The following FAM83B variants were observed in gnomAD, a reference collection of about 807,000 sequenced individuals.
FAM83B encodes the protein protein FAM83B.
In FAM83B, 26 loss-of-function variants were observed where a neutral mutation model predicts 38.8. That is an observed-to-expected ratio of 0.67 (90% CI 0.49 to 0.93). FAM83B has a LOEUF of 0.93. Ranked by LOEUF, FAM83B falls within the 40% of genes least tolerant of loss-of-function variation. The pLI, the probability that FAM83B is intolerant of heterozygous loss-of-function variation, is 0.00. For synonymous variants in FAM83B, 419 were observed against 423.1 expected, an observed-to-expected ratio of 0.99 and a Z score of 0.12; for missense variants, 1,237 against 1,197.3, an observed-to-expected ratio of 1.03 and a Z score of -0.49.
intron 1 of FAM83B, among the ~76,000 whole-genome samples, chr6:54,857,271 A>G (rs1028968034): frequency 6.6e-6 from 1 of 152,220 alleles, no homozygotes; most frequent in African/African-American, 2.4e-5. Flanking sequence ...GCATGCACCA[A>G]GAGTGACTTT....
chr6:54,905,225 A>G (rs1772752296), intron 2 of FAM83B, among the ~76,000 whole-genome samples: 1 of 152,174 alleles, frequency 6.6e-6, no homozygotes, highest in Non-Finnish European at 1.5e-5. Context: ...TGTTCTGGGA[A>G]TAGCATAGCA....
At chr6:54,849,336 G>A (rs1012540898) in intron 1 of FAM83B, among the ~76,000 whole-genome samples, 1 of 152,138 alleles carries the variant, frequency 6.6e-6, no homozygotes, top group African/African-American at 2.4e-5. Context: ...GGTAGAGCAG[G>A]CTTCCCAAGG....
chr6:54,862,878 C>T (rs374565470), intron 1 of FAM83B, among the ~76,000 whole-genome samples: 1 of 150,078 alleles, frequency 6.7e-6, no homozygotes, highest in African/African-American at 2.4e-5. Flanking sequence ...AACCCCCCCC[C>T]AAAAAAACCA....
At chr6:54,849,437 G>A (rs951857823) in intron 1 of FAM83B, among the ~76,000 whole-genome samples, 21 of 151,866 alleles carry the variant, frequency 1.4e-4, no homozygotes, top group Non-Finnish European at 2.9e-4. Context: ...GAGGTGAGGT[G>A]GAGTGGGGGG....
chr6:54,877,469 A>G (rs1772026742), intron 2 of FAM83B, among the ~76,000 whole-genome samples: 1 of 152,216 alleles, frequency 6.6e-6, no homozygotes, highest in South Asian at 2.1e-4. Flanking sequence ...TAGTTGCTAC[A>G]GATCCATCAT....
chr6:54,854,241 T>G (rs1771385661), intron 1 of FAM83B, among the ~76,000 whole-genome samples: 1 of 152,174 alleles, frequency 6.6e-6, no homozygotes, highest in East Asian at 1.9e-4. Flanking sequence ...AACAAAGAAT[T>G]TAGAATATTA....
At chr6:54,858,889 C>A (rs765517460) in intron 1 of FAM83B, among the ~76,000 whole-genome samples, 20 of 152,150 alleles carry the variant, frequency 1.3e-4, no homozygotes, top group Non-Finnish European at 2.9e-4. Context: ...TTTACCTAAT[C>A]ACTTTTACAG....
In FAM83B at chr6:54,942,732, T is replaced by TTTTTTTTTTTTTTTTTTTTTGAGACGG. The variant is rs1561934815; in HGVS notation, c.*725_*726insTTTTTTTTTTTTTTTTTTTTGAGACGG. On this transcript the variant is annotated 3_prime_UTR_variant, in exon 5 of 5. Coordinates refer to ENST00000306858, the MANE Select transcript of FAM83B (RefSeq NM_001010872.3). ...TTACCCATAGGCTGCTGATTTTTTA[T>TTTTTTTTTTTTTTTTTTTTTGAGACGG]AGTCATTCCTTACTTCACATTTAGG... 6.6e-6 allele frequency among the ~76,000 whole-genome samples: 1 copy of TTTTTTTTTTTTTTTTTTTTTGAGACGG among 151,750 alleles called. No individual in the cohort carries two copies. Among genetic ancestry groups the TTTTTTTTTTTTTTTTTTTTTGAGACGG allele is most frequent in the African/African-American group, 2.4e-5 (1 of 41,106 alleles).
intron 2 of FAM83B, among the ~76,000 whole-genome samples, chr6:54,915,827 A>G (rs1170243569): frequency 2.0e-5 from 3 of 150,158 alleles, no homozygotes; most frequent in Non-Finnish European, 4.4e-5. Context: ...AAAAAAAAAA[A>G]AAAAAAAAAA....
At chr6:54,934,130 C>T (rs561853991) in intron 4 of FAM83B, among the ~76,000 whole-genome samples, 1 of 152,224 alleles carries the variant, frequency 6.6e-6, no homozygotes, top group East Asian at 1.9e-4. Flanking sequence ...GGGCTTGTAA[C>T]TTTCTAATCT....
chr6:54,849,253 C>T lies in FAM83B; in HGVS notation c.-61+2427C>T, dbSNP rs560271469. Among the ~76,000 whole-genome samples the T allele has an allele frequency of 5.3e-5, 8 of 152,312 alleles. No individual in the cohort carries two copies. In the East Asian group the frequency reaches 1.5e-3, roughly 29 times the overall value. The stretch of plus-strand genomic sequence containing the variant: ...CTCTGAGAAAATGTGTTAGAGCCTT[C>T]AGTGGGAGCTTCCTTCCCACTGAGG... On this transcript the variant is annotated intron_variant, in intron 1 of 4. Coordinates refer to ENST00000306858, the MANE Select transcript of FAM83B (RefSeq NM_001010872.3).
intron 1 of FAM83B, among the ~76,000 whole-genome samples, chr6:54,849,399 GT>G (rs1456207832): frequency 6.6e-6 from 1 of 151,914 alleles, no homozygotes; most frequent in Non-Finnish European, 1.5e-5. Flanking sequence ...GGGGGAAATG[GT>G]AGGCTCCAGT....
In FAM83B at chr6:54,941,496, T is replaced by A. The variant is rs149435201; in HGVS notation, c.2525T>A (p.Ile842Asn). ...TCCTCATCGAATTCTCAAGGCAGCA[T>A]CCACAAGAGTAAGGAAGATGTAACA... ...HSSSSNSQGSIHKSKEDVTVS... is the reference protein window; with the variant it reads ...HSSSSNSQGSNHKSKEDVTVS... The change falls in exon 5 of 5, where the codon ATC becomes AAC. Residue 842 changes from isoleucine to asparagine, a missense_variant. Coordinates refer to ENST00000306858, the MANE Select transcript of FAM83B (RefSeq NM_001010872.3). 2.1e-5 allele frequency: 34 copies of A among 1,613,848 alleles called. No individual in the cohort carries two copies. The highest frequency in any genetic ancestry group is 1.6e-4 in the Middle Eastern group (1 of 6,084).
chr6:54,910,288 C>T (rs1772875237), intron 2 of FAM83B, among the ~76,000 whole-genome samples: 1 of 152,184 alleles, frequency 6.6e-6, no homozygotes, highest in Non-Finnish European at 1.5e-5. Flanking sequence ...ATACATTCTC[C>T]TCATGTACCC....
chr6:54,876,333 T>G (rs1456409976), intron 2 of FAM83B, among the ~76,000 whole-genome samples: 9 of 145,946 alleles, frequency 6.2e-5, no homozygotes, highest in East Asian at 2.0e-4. Flanking sequence ...TTTTGTTTTT[T>G]TTTTTTTTGA....
At chr6:54,855,104 T>A (rs1444957335) in intron 1 of FAM83B, among the ~76,000 whole-genome samples, 1 of 152,134 alleles carries the variant, frequency 6.6e-6, no homozygotes, top group African/African-American at 2.4e-5. Flanking sequence ...CAAATTGCAA[T>A]AAAATATTCA....
At chr6:54,890,448 A>C (rs1246859842) in intron 2 of FAM83B, among the ~76,000 whole-genome samples, 3 of 152,112 alleles carry the variant, frequency 2.0e-5, no homozygotes. Context: ...CCTGGAGCTC[A>C]AAGTTATAGA....
chr6:54,919,635 C>T (rs1773126175), intron 2 of FAM83B, among the ~76,000 whole-genome samples: 3 of 152,042 alleles, frequency 2.0e-5, no homozygotes, highest in Middle Eastern at 6.8e-3. Context: ...TTATAAGTTT[C>T]AGGTCTTGTT....
chr6:54,864,692 G>A (rs1427843415), intron 1 of FAM83B, among the ~76,000 whole-genome samples: 1 of 151,998 alleles, frequency 6.6e-6, no homozygotes, highest in African/African-American at 2.4e-5. Context: ...TAAATTTCTG[G>A]TAATCAAATG....
Sources: gnomAD v4.1 joint callset for allele counts (sites outside exome capture counted in the v4.1 genomes callset) on GRCh38, gnomAD v4.1.1 for gene constraint, MANE v1.5 for transcripts, NCBI Gene and HGNC (gene_info 2026-07-23, HGNC 2026-07-21) for gene names.